The following ZFHX3 variants were observed in gnomAD, a reference collection of about 807,000 sequenced individuals.
The protein encoded by ZFHX3 is zinc finger homeobox protein 3.
ZFHX3 carries 42 observed loss-of-function variants against 279.1 expected under a neutral mutation model. The observed-to-expected ratio is 0.15, with a 90% confidence interval of 0.12 to 0.19. The LOEUF is 0.19. ZFHX3 is among the 10% of genes least tolerant of loss of function. The pLI is 1.00. For synonymous variants in ZFHX3, 2,293 were observed against 1,957.8 expected (o/e 1.17, Z -4.52); for missense variants, 4,981 against 4,754.0 (o/e 1.05, Z -1.40).
intron 1 of ZFHX3, among the ~76,000 whole-genome samples, chr16:72,967,322 G>A (rs1961889260): frequency 6.6e-6 from 1 of 152,104 alleles, no homozygotes; most frequent in Admixed American, 6.5e-5. Context: ...AGGAAGATGT[G>A]TCAAAATGAC....
chr16:73,849,917 G>T (rs926954709), intron 1 of ZFHX3, among the ~76,000 whole-genome samples: 1 of 152,088 alleles, frequency 6.6e-6, no homozygotes, highest in African/African-American at 2.4e-5. Flanking sequence ...ATTTTTAGTA[G>T]AGGCGGGGTT....
intron 5 of ZFHX3, among the ~76,000 whole-genome samples, chr16:73,157,016 GGCT>G: frequency 4.6e-5 from 7 of 151,980 alleles, no homozygotes; most frequent in African/African-American, 1.7e-4. Context: ...CCGGCCTCCT[GGCT>G]TATTTTTTAA....
At chr16:73,120,818 C>T (rs999958764) in intron 7 of ZFHX3, among the ~76,000 whole-genome samples, 9 of 151,950 alleles carry the variant, frequency 5.9e-5, no homozygotes, top group Middle Eastern at 6.8e-3. Context: ...CCACGCCCGG[C>T]GAATTTTTTA....
At chr16:73,015,565 C>T (rs980550632) in intron 1 of ZFHX3, 1 of 152,226 alleles carries the variant, frequency 6.6e-6, no homozygotes, top group African/African-American at 2.4e-5. Flanking sequence ...CAAGAAGAAT[C>T]CCTGGATCCA....
intron 2 of ZFHX3, among the ~76,000 whole-genome samples, chr16:73,560,640 G>C (rs901622286): frequency 6.6e-6 from 1 of 152,224 alleles, no homozygotes; most frequent in Admixed American, 6.5e-5. Flanking sequence ...GAGTGGCCCA[G>C]ACTGGGGATT....
At chr16:73,244,242 G>T (rs555711781) in intron 5 of ZFHX3, among the ~76,000 whole-genome samples, 115 of 152,256 alleles carry the variant, frequency 7.6e-4, no homozygotes, top group African/African-American at 2.7e-3. Flanking sequence ...TCATCCTGAG[G>T]AGAGGGTCAG....
chr16:73,127,391 T>C, intron 7 of ZFHX3: 1 of 1,305,354 alleles, frequency 7.7e-7, no homozygotes, highest in Middle Eastern at 2.1e-4. Flanking sequence ...TAACTAAATA[T>C]TTTTGGGGCC....
At chr16:73,241,970 A>G (rs2013138051) in intron 5 of ZFHX3, among the ~76,000 whole-genome samples, 1 of 152,080 alleles carries the variant, frequency 6.6e-6, no homozygotes, top group Admixed American at 6.6e-5. Context: ...ATGGGACCCT[A>G]ATACCAACCT....
At chr16:72,936,899 T>C (rs1960153876) in intron 3 of ZFHX3, among the ~76,000 whole-genome samples, 1 of 151,224 alleles carries the variant, frequency 6.6e-6, no homozygotes, top group Admixed American at 6.6e-5. Flanking sequence ...AGAGAGACGA[T>C]GGGGGCTGGC....
At chr16:73,762,507 A>G (rs1424303548) in intron 1 of ZFHX3, among the ~76,000 whole-genome samples, 1 of 152,230 alleles carries the variant, frequency 6.6e-6, no homozygotes, top group Non-Finnish European at 1.5e-5. Flanking sequence ...AAATTATTCT[A>G]TTATAAAGAT....
At chr16:73,380,205 C>T (rs2016796810) in intron 3 of ZFHX3, among the ~76,000 whole-genome samples, 1 of 152,114 alleles carries the variant, frequency 6.6e-6, no homozygotes, top group Admixed American at 6.5e-5. Context: ...AACCTCTATG[C>T]ACCACACAAC....
chr16:73,211,685 A>G (rs2012024087), intron 5 of ZFHX3, among the ~76,000 whole-genome samples: 1 of 151,448 alleles, frequency 6.6e-6, no homozygotes, highest in African/African-American at 2.4e-5. Context: ...TTTTTTTTTA[A>G]CCAATCAAGT....
chr16:73,041,193 A>G (rs16971543), intron 1 of ZFHX3, among the ~76,000 whole-genome samples: 5,166 of 152,316 alleles, frequency 0.034, 115 homozygotes, highest in Non-Finnish European at 0.054. Context: ...ACCTCCCTCC[A>G]GTTACACATC....
intron 1 of ZFHX3, among the ~76,000 whole-genome samples, chr16:73,755,524 C>T (rs533220954): frequency 1.3e-5 from 2 of 152,306 alleles, no homozygotes; most frequent in Non-Finnish European, 2.9e-5. Flanking sequence ...CCTACAAGAA[C>T]TTATTAGTAT....
intron 2 of ZFHX3, chr16:73,504,310 G>C (rs1300913334): frequency 6.6e-6 from 1 of 152,156 alleles, no homozygotes; most frequent in Non-Finnish European, 1.5e-5. Context: ...TCAAATCAAA[G>C]AATTCACATC....
chr16:73,757,723 G>C (rs149332850), intron 1 of ZFHX3, among the ~76,000 whole-genome samples: 18 of 152,292 alleles, frequency 1.2e-4, no homozygotes, highest in African/African-American at 4.3e-4. Context: ...CACAGAGTTG[G>C]AGGGTTCCCT....
At chr16:73,034,112 A>G (rs1964812745) in intron 1 of ZFHX3, among the ~76,000 whole-genome samples, 1 of 151,940 alleles carries the variant, frequency 6.6e-6, no homozygotes, top group Admixed American at 6.5e-5. Flanking sequence ...AAAAAAAAAA[A>G]AAGTCTAGGA....
chr16:73,388,063 C>G (rs181733438), intron 3 of ZFHX3, among the ~76,000 whole-genome samples: 2 of 152,114 alleles, frequency 1.3e-5, no homozygotes, highest in Non-Finnish European at 2.9e-5. Flanking sequence ...AGAGAAACCT[C>G]TATTTAGAGA....
intron 2 of ZFHX3, among the ~76,000 whole-genome samples, chr16:73,566,570 A>G (rs751796302): frequency 5.9e-5 from 9 of 151,950 alleles, no homozygotes; most frequent in Non-Finnish European, 1.2e-4. Context: ...GGTTTTCCCC[A>G]GTGTCTCTGT....
Sources: allele counts gnomAD v4.1 joint callset (sites outside exome capture counted in the v4.1 genomes callset), GRCh38; gene constraint gnomAD v4.1.1; transcripts MANE v1.5; gene names NCBI Gene and HGNC (gene_info 2026-07-23, HGNC 2026-07-21).